Variants in APP observed in about 807,000 individuals in gnomAD.
APP encodes the protein amyloid-beta precursor protein.
In APP, 31 loss-of-function variants were observed where a neutral mutation model predicts 101.4. That is an observed-to-expected ratio of 0.31 (90% confidence interval 0.23 to 0.41). The LOEUF is 0.41. Among genes scored for constraint, APP ranks in the 10% least tolerant of loss-of-function variants. The probability of loss-of-function intolerance (pLI) is 1.00; values close to 1 mark genes in which losing one functional copy is unlikely to be tolerated. For synonymous variants in APP, 366 were observed against 364.4 expected (o/e 1.00, Z -0.05); for missense variants, 839 against 1,003.7 (o/e 0.84, Z 2.22).
intron 11 of APP, among the ~76,000 whole-genome samples, chr21:25,966,673 A>C (rs982368564): frequency 3.3e-5 from 5 of 152,212 alleles, no homozygotes; most frequent in Non-Finnish European, 5.9e-5. Flanking sequence ...CATATATTTT[A>C]TAAGATAATT....
Position 25,997,413 on chromosome 21 carries a change from G to T in APP, c.1037C>A (p.Ser346Tyr), listed in dbSNP as rs1260561215. 3.1e-6 allele frequency: 5 copies of T among 1,612,318 alleles called. No homozygotes were observed. The highest frequency in any genetic ancestry group is 2.2e-5 in the East Asian group (1 of 44,880). ...CTGGGTAGTCTTGAGTAAACTTTGGGACACTATGGAAAAAATAAGAGAACA... is the reference window on the plus strand; with the variant it reads ...CTGGGTAGTCTTGAGTAAACTTTGGTACACTATGGAAAAAATAAGAGAACA... The part of the protein sequence containing the change: ...YCMAVCGSAM[S>Y]QSLLKTTQEP... Residue 346 changes from serine (S) to tyrosine (Y), a missense_variant, in exon 8 of 18, where the codon TCC becomes TAC. By Grantham distance (144) the Ser-to-Tyr change is moderately radical. Transcript: ENST00000346798.
At chr21:26,136,168 GA>G (rs1204868614) in intron 1 of APP, among the ~76,000 whole-genome samples, 711 of 34,414 alleles carry the variant, frequency 0.021, 17 homozygotes, top group African/African-American at 0.083. Context: ...AGAAAAGAAA[GA>G]AAAGAAAGAA....
At chr21:25,888,219 A>G (rs1044777756) in intron 17 of APP, among the ~76,000 whole-genome samples, 1 of 152,204 alleles carries the variant, frequency 6.6e-6, no homozygotes, top group African/African-American at 2.4e-5. Context: ...AGGTATTTCC[A>G]TGTACTTGAG....
chr21:25,975,016 C>A, intron 11 of APP, 54 bp downstream of exon 11: 3 of 1,610,874 alleles, frequency 1.9e-6, no homozygotes, highest in Non-Finnish European at 2.5e-6. Flanking sequence ...AGTGCCCCAC[C>A]CTTACTGTCT....
At chr21:26,000,874 TAATA>T (rs2043263168) in intron 6 of APP, among the ~76,000 whole-genome samples, 1 of 151,398 alleles carries the variant, frequency 6.6e-6, no homozygotes, top group Admixed American at 6.6e-5. Context: ...TATTATACAT[TAATA>T]ATTTAATTAC....
At chr21:25,914,337 C>T (rs73899713) in intron 13 of APP, among the ~76,000 whole-genome samples, 2,549 of 151,842 alleles carry the variant, frequency 0.017, 78 homozygotes, top group African/African-American at 0.059. Context: ...CTGAATGTCC[C>T]CCAAAGTCAT....
intron 3 of APP, among the ~76,000 whole-genome samples, chr21:26,088,916 T>C (rs1337484203): frequency 6.6e-6 from 1 of 152,266 alleles, no homozygotes; most frequent in African/African-American, 2.4e-5. Flanking sequence ...TTTCATTTTA[T>C]GTCTCAAATT....
intron 14 of APP, among the ~76,000 whole-genome samples, chr21:25,909,940 T>C (rs936029112): frequency 6.6e-6 from 1 of 152,150 alleles, no homozygotes; most frequent in African/African-American, 2.4e-5. Context: ...CTGTTTGCTA[T>C]TACTGTAAGG....
At chr21:25,978,478 G>A (rs774494278) in intron 9 of APP, among the ~76,000 whole-genome samples, 1 of 152,086 alleles carries the variant, frequency 6.6e-6, no homozygotes, top group Non-Finnish European at 1.5e-5. Flanking sequence ...AGGCTATGCA[G>A]GTAAAAAAGG....
At chr21:25,954,715 G>A in intron 12 of APP, 26 bp from the exon 13 acceptor site, 1 of 1,558,972 alleles carries the variant, frequency 6.4e-7, no homozygotes, top group Non-Finnish European at 8.8e-7. Context: ...ACAACTCCAG[G>A]TCAACAATGT....
At chr21:25,957,843 G>A (rs1035935398) in intron 11 of APP, among the ~76,000 whole-genome samples, 4 of 152,030 alleles carry the variant, frequency 2.6e-5, no homozygotes, top group Non-Finnish European at 4.4e-5. Flanking sequence ...AATTAGCTAG[G>A]TGCAGTGACA....
At chr21:26,067,306 T>G (rs2046494761) in intron 3 of APP, among the ~76,000 whole-genome samples, 1 of 152,232 alleles carries the variant, frequency 6.6e-6, no homozygotes, top group Non-Finnish European at 1.5e-5. Context: ...TGGTGGGTTT[T>G]TTATACTCAC....
intron 2 of APP, among the ~76,000 whole-genome samples, chr21:26,108,226 C>A (rs2146193098): frequency 6.6e-6 from 1 of 152,300 alleles, no homozygotes; most frequent in African/African-American, 2.4e-5. Context: ...CAAGTGAAAT[C>A]AATTTTAATC....
intron 14 of APP, among the ~76,000 whole-genome samples, chr21:25,911,376 C>G (rs1275797013): frequency 6.6e-6 from 1 of 152,180 alleles, no homozygotes; most frequent in Non-Finnish European, 1.5e-5. Flanking sequence ...ATAATATTCC[C>G]TAGAATGCAA....
chr21:26,123,016 A>G (rs1569001790), intron 1 of APP, among the ~76,000 whole-genome samples: 1 of 152,206 alleles, frequency 6.6e-6, no homozygotes, highest in Non-Finnish European at 1.5e-5. Context: ...ATAAATAAGT[A>G]TATTATATAA....
chr21:25,885,967 G>C lies in APP; in HGVS notation c.2212-4196C>G, dbSNP rs570962626. Among the ~76,000 whole-genome samples the C allele has an allele frequency of 1.2e-3, 188 of 152,212 alleles. 4 individuals are homozygous for C. In the South Asian group the frequency reaches 0.038, roughly 31 times the overall value. On this transcript the variant is annotated intron_variant, in intron 17 of 17. Coordinates refer to ENST00000346798, the MANE Select transcript of APP (RefSeq NM_000484.4). ...TGCGGGTGTGTGAGCTTGGAGGAGAGGCAGGAAACACCACGTTTACATTTT... is the reference window on the plus strand; with the variant it reads ...TGCGGGTGTGTGAGCTTGGAGGAGACGCAGGAAACACCACGTTTACATTTT...
chr21:25,883,108 G>C (rs2037095323), intron 17 of APP, among the ~76,000 whole-genome samples: 1 of 152,126 alleles, frequency 6.6e-6, no homozygotes, highest in African/African-American at 2.4e-5. Flanking sequence ...CAGACTAAAA[G>C]ATCTGTCAAT....
intron 5 of APP, among the ~76,000 whole-genome samples, chr21:26,027,578 A>G (rs2146805718): frequency 6.6e-6 from 1 of 152,290 alleles, no homozygotes; most frequent in Middle Eastern, 3.4e-3. Flanking sequence ...ACCTAATTCT[A>G]TTTGAATTAA....
At chr21:25,928,199 C>T (rs985248472) in intron 13 of APP, among the ~76,000 whole-genome samples, 1 of 88 alleles carries the variant, frequency 0.011, no homozygotes, top group Non-Finnish European at 0.021. Flanking sequence ...AAAAATTAGC[C>T]GGGCATGGTG....
Sources: allele counts gnomAD v4.1 joint callset (sites outside exome capture counted in the v4.1 genomes callset), GRCh38; gene constraint gnomAD v4.1.1; transcripts MANE v1.5; gene names NCBI Gene and HGNC (gene_info 2026-07-23, HGNC 2026-07-21).